The following CNTNAP2 variants were observed in gnomAD, a reference collection of about 807,000 sequenced individuals.
CNTNAP2 encodes contactin associated protein 2.
A neutral mutation model predicts 155.2 loss-of-function variants in CNTNAP2; 98 were observed. That is an observed-to-expected ratio of 0.63 (90% CI 0.54 to 0.75). The LOEUF (loss-of-function observed/expected upper bound fraction) is 0.75, where lower values mean the gene tolerates loss of function less well. Among genes scored for constraint, CNTNAP2 ranks in the 30% least tolerant of loss-of-function variants. The probability of loss-of-function intolerance (pLI) is 0.00; values close to 1 mark genes in which losing one functional copy is unlikely to be tolerated. For synonymous variants in CNTNAP2, 651 were observed against 631.2 expected, an observed-to-expected ratio of 1.03 and a Z score of -0.47; for missense variants, 1,727 against 1,688.1, an observed-to-expected ratio of 1.02 and a Z score of -0.40.
intron 15 of CNTNAP2, among the ~76,000 whole-genome samples, chr7:148,046,331 TG>T (rs1323084559): frequency 1.3e-5 from 2 of 152,200 alleles, no homozygotes; most frequent in Admixed American, 6.5e-5. Flanking sequence ...TGTGTGTGTG[TG>T]TATGAGTGTG....
At chr7:146,932,966 T>C (rs1360890224) in intron 3 of CNTNAP2, among the ~76,000 whole-genome samples, 3 of 152,192 alleles carry the variant, frequency 2.0e-5, no homozygotes, top group Admixed American at 6.5e-5. Context: ...GAACATTCCA[T>C]GCTCATGGGT....
chr7:148,322,040 C>G lies in CNTNAP2; in HGVS notation c.3475+54914C>G, dbSNP rs186994716. 2.6e-5 allele frequency among the ~76,000 whole-genome samples: 4 copies of G among 152,088 alleles called. No homozygotes were observed. The East Asian group carries it at 5.8e-4, about 22-fold the overall frequency. On this transcript the variant is annotated intron_variant, in intron 21 of 23. Transcript: ENST00000361727. ...TGCCTCAGCACCCGTCCCCCTCCCC[C>G]ACCCCAACTAGCTGGGATTACAGGC...
At chr7:146,522,413 C>T (rs1158493438) in intron 1 of CNTNAP2, among the ~76,000 whole-genome samples, 1 of 151,944 alleles carries the variant, frequency 6.6e-6, no homozygotes, top group African/African-American at 2.4e-5. Flanking sequence ...ATTTCATTAC[C>T]ACAGCAGGTG....
At chr7:148,227,718 T>A (rs962959871) in intron 19 of CNTNAP2, among the ~76,000 whole-genome samples, 4 of 152,204 alleles carry the variant, frequency 2.6e-5, no homozygotes, top group African/African-American at 7.2e-5. Context: ...GAGTCTAGGA[T>A]GACATTCTAA....
intron 10 of CNTNAP2, among the ~76,000 whole-genome samples, chr7:147,455,074 T>C (rs1465496738): frequency 2.0e-5 from 3 of 152,124 alleles, no homozygotes; most frequent in Non-Finnish European, 4.4e-5. Flanking sequence ...TGCTTCCCCG[T>C]CTTCAACTTT....
At chr7:146,192,970 C>A (rs1002430138) in intron 1 of CNTNAP2, among the ~76,000 whole-genome samples, 1 of 152,150 alleles carries the variant, frequency 6.6e-6, no homozygotes, top group East Asian at 1.9e-4. Flanking sequence ...GGCTACATGC[C>A]GCATGTGAAG....
intron 10 of CNTNAP2, among the ~76,000 whole-genome samples, chr7:147,405,056 T>A (rs560451420): frequency 6.6e-6 from 1 of 152,312 alleles, no homozygotes; most frequent in Admixed American, 6.5e-5. Flanking sequence ...GAAAACTATA[T>A]TTGCTTTTGG....
At chr7:147,081,357 GTC>G (rs1251614826) in intron 4 of CNTNAP2, 1 of 151,334 alleles carries the variant, frequency 6.6e-6, no homozygotes, top group African/African-American at 2.4e-5. Context: ...TGTCTCTTGA[GTC>G]TACGCCAAAA....
chr7:147,395,890 A>C, intron 10 of CNTNAP2, 110 bp downstream of exon 10: 4 of 1,234,318 alleles, frequency 3.2e-6, no homozygotes, highest in Non-Finnish European at 3.5e-6. Flanking sequence ...AAAACAGGTA[A>C]GGTGGAAATT....
intron 11 of CNTNAP2, chr7:147,496,519 A>G (rs780615029): frequency 3.9e-5 from 6 of 152,194 alleles, no homozygotes; most frequent in Non-Finnish European, 5.9e-5. Context: ...TTACTTCTCA[A>G]TTATTTAGCT....
intron 1 of CNTNAP2, among the ~76,000 whole-genome samples, chr7:146,600,851 G>A (rs995276001): frequency 3.3e-5 from 5 of 152,036 alleles, no homozygotes; most frequent in East Asian, 1.9e-4. Flanking sequence ...GAAATATATT[G>A]CTCTAAGCCA....
chr7:148,300,047 A>G (rs190274703), intron 21 of CNTNAP2, among the ~76,000 whole-genome samples: 1 of 152,216 alleles, frequency 6.6e-6, no homozygotes, highest in African/African-American at 2.4e-5. Flanking sequence ...AACAGGGATA[A>G]CGGATTTTCA....
intron 3 of CNTNAP2, among the ~76,000 whole-genome samples, chr7:146,923,368 G>A (rs916196581): frequency 1.3e-5 from 2 of 152,104 alleles, no homozygotes; most frequent in Non-Finnish European, 2.9e-5. Flanking sequence ...GATGCACAAG[G>A]CATCATCTCT....
chr7:148,012,609 T>G lies in CNTNAP2; in HGVS notation c.2383+34620T>G, dbSNP rs150414086. On this transcript the variant is annotated intron_variant, in intron 15 of 23. Coordinates refer to ENST00000361727, the MANE Select transcript of CNTNAP2 (RefSeq NM_014141.6). ...GTTTTTTAAGAGTTGAAGACTATTT[T>G]CTGAATAAAAACAAAATGAAACCTC... Among the ~76,000 whole-genome samples the G allele has an allele frequency of 6.9e-3, 1,049 of 152,356 alleles. 21 individuals are homozygous for G. Among genetic ancestry groups the G allele is most frequent in the African/African-American group, 0.024 (986 of 41,584 alleles).
intron 9 of CNTNAP2, among the ~76,000 whole-genome samples, chr7:147,322,860 C>A (rs867041039): frequency 4.5e-5 from 6 of 133,384 alleles, no homozygotes; most frequent in Non-Finnish European, 7.8e-5. Context: ...AGTTTATTTG[C>A]GTAGAGGTGT....
intron 15 of CNTNAP2, among the ~76,000 whole-genome samples, chr7:147,988,656 C>T (rs1801661179): frequency 6.6e-6 from 1 of 152,100 alleles, no homozygotes; most frequent in African/African-American, 2.4e-5. Flanking sequence ...CCTCCATGTC[C>T]TCTCTCTGGG....
chr7:146,219,900 A>G (rs1799178973), intron 1 of CNTNAP2, among the ~76,000 whole-genome samples: 1 of 152,146 alleles, frequency 6.6e-6, no homozygotes, highest in Non-Finnish European at 1.5e-5. Flanking sequence ...GGCTCATAGA[A>G]TTTTAGAGGT....
chr7:148,361,927 T>TCACGCCTGTAATCCCAG (rs981925680), intron 21 of CNTNAP2, among the ~76,000 whole-genome samples: 84 of 152,196 alleles, frequency 5.5e-4, no homozygotes, highest in African/African-American at 2.0e-3. Flanking sequence ...GCACGGTGGC[T>TCACGCCTGTAATCCCAG]CACGCCTGTA....
chr7:146,345,567 A>C (rs748893994), intron 1 of CNTNAP2, among the ~76,000 whole-genome samples: 4 of 152,162 alleles, frequency 2.6e-5, no homozygotes, highest in Admixed American at 6.5e-5. Flanking sequence ...TTACACCCAC[A>C]CAAAACCTGA....
Sources: allele counts gnomAD v4.1 joint callset (sites outside exome capture counted in the v4.1 genomes callset), GRCh38; gene constraint gnomAD v4.1.1; transcripts MANE v1.5; gene names NCBI Gene and HGNC (gene_info 2026-07-23, HGNC 2026-07-21).